The following TGFBR2 variants were observed in gnomAD, a reference collection of about 807,000 sequenced individuals.
The protein encoded by TGFBR2 is TGF-beta receptor type-2.
In TGFBR2, 18 loss-of-function variants were observed where a neutral mutation model predicts 49.0. The ratio of observed to expected loss-of-function variants is 0.37; its 90% confidence interval spans 0.25 to 0.54. The LOEUF is 0.54. Among genes scored for constraint, TGFBR2 ranks in the 20% least tolerant of loss-of-function variants. The probability of loss-of-function intolerance (pLI) is 0.85; values close to 1 mark genes in which losing one functional copy is unlikely to be tolerated. For synonymous variants in TGFBR2, 282 were observed against 275.9 expected (o/e 1.02, Z -0.22); for missense variants, 525 against 722.6 (o/e 0.73, Z 3.13).
Position 30,671,937 on chromosome 3 carries a change from A to C in TGFBR2, c.754A>C (p.Lys252Gln). Residue 252 changes from lysine to glutamine, a missense_variant, in exon 4 of 7, where the codon AAA becomes CAA. By Grantham distance (53) the Lys-to-Gln change is moderately conservative. This residue lies in a region of TGFBR2 where 376 missense variants were observed against 478.2 expected (regional missense o/e 0.79). Transcript: ENST00000295754. ...LPIELDTLVG[K>Q]GRFAEVYKAK... ...CATTGAGCTGGACACCCTGGTGGGGAAAGGTCGCTTTGCTGAGGTCTATAA... is the reference window on the plus strand; with the variant it reads ...CATTGAGCTGGACACCCTGGTGGGGCAAGGTCGCTTTGCTGAGGTCTATAA... 1 of 1,614,172 alleles carries C rather than the reference A, an allele frequency of 6.2e-7. No individual in the cohort carries two copies. The highest frequency in any genetic ancestry group is 8.5e-7 in the Non-Finnish European group (1 of 1,180,026).
chr3:30,682,185 C>A (rs1186445014), intron 5 of TGFBR2, among the ~76,000 whole-genome samples: 2 of 152,134 alleles, frequency 1.3e-5, no homozygotes, highest in Non-Finnish European at 2.9e-5. Flanking sequence ...TGCAGCTGGC[C>A]CTGCAGCATC....
chr3:30,666,806 ATT>A (rs5847639), intron 3 of TGFBR2, among the ~76,000 whole-genome samples: 96 of 147,426 alleles, frequency 6.5e-4, no homozygotes, highest in South Asian at 8.6e-4. Flanking sequence ...TGTCTGGCTA[ATT>A]TTTTTTTTTT....
rs200147268 is a variant in TGFBR2, at chr3:30,672,451, A to C, written c.1254+14A>C. The C allele has an allele frequency of 1.2e-6, 2 of 1,613,980 alleles. No homozygotes were observed. Among genetic ancestry groups the C allele is most frequent in the East Asian group, 2.2e-5 (1 of 44,862 alleles). On this transcript the variant is annotated intron_variant, in intron 4 of 6. Coordinates refer to ENST00000295754, the MANE Select transcript of TGFBR2 (RefSeq NM_003242.6). This position sits in a 1 kb window ranked among gnomAD's most constrained non-coding sequence, Gnocchi z 4.5. ...AACAGTGGGCAGGTAAGTTAGAGCT[A>C]GTGCTAGATCCCCTTTACCTTGAGC...
At chr3:30,636,202 T>C (rs1698526923) in intron 1 of TGFBR2, among the ~76,000 whole-genome samples, 1 of 146,384 alleles carries the variant, frequency 6.8e-6, no homozygotes, top group East Asian at 2.0e-4. Flanking sequence ...TGTGTGTGTA[T>C]AGTACTGGGA....
chr3:30,624,932 A>G (rs1698303761), intron 1 of TGFBR2, among the ~76,000 whole-genome samples: 1 of 152,084 alleles, frequency 6.6e-6, no homozygotes. Context: ...TCCAGCAAAG[A>G]TGAGCTTCAT....
intron 3 of TGFBR2, among the ~76,000 whole-genome samples, chr3:30,665,708 T>C (rs1369735235): frequency 1.3e-5 from 2 of 152,146 alleles, no homozygotes; most frequent in East Asian, 3.9e-4. Context: ...CTCTAGCAAG[T>C]CCTGGAAAAG....
Position 30,674,081 on chromosome 3 carries a change from C to T in TGFBR2, c.1255-24C>T, listed in dbSNP as rs1481360895. 17 of 1,614,062 alleles carry T rather than the reference C, an allele frequency of 1.1e-5. No homozygotes were observed. In the South Asian group the frequency reaches 1.5e-4, roughly 15 times the overall value. ...AAGGCAGCTGGAATTAAATGATGGG[C>T]CTCACTGTCTGTTTTTGCTATAGGT... On this transcript the variant is annotated intron_variant, in intron 4 of 6. Transcript: ENST00000295754.
At chr3:30,687,807 T>C (rs1699650411) in intron 5 of TGFBR2, among the ~76,000 whole-genome samples, 1 of 152,204 alleles carries the variant, frequency 6.6e-6, no homozygotes, top group African/African-American at 2.4e-5. Context: ...CTGTACAAGG[T>C]ACTTCATACA....
chr3:30,650,654 T>C (rs1698865848), intron 3 of TGFBR2, among the ~76,000 whole-genome samples, 194 bp downstream of exon 3: 1 of 152,180 alleles, frequency 6.6e-6, no homozygotes, highest in Admixed American at 6.5e-5. Flanking sequence ...TATGGTTGAC[T>C]GGGGCAAACA....
intron 3 of TGFBR2, among the ~76,000 whole-genome samples, chr3:30,663,989 G>T (rs1391251046): frequency 1.1e-4 from 14 of 127,814 alleles, no homozygotes; most frequent in African/African-American, 3.4e-4. Flanking sequence ...GGGGGGGGGA[G>T]TTGGGGGGGC....
rs754582506 is a variant in TGFBR2, at chr3:30,661,553, T to G, written c.455-10085T>G. ...ACAGGTAGATGTAAAATCAGACATA[T>G]AGGTTCAAACAATCGATTGCAAAGG... On this transcript the variant is annotated intron_variant, in intron 3 of 6. Transcript: ENST00000295754. The G allele has an allele frequency of 7.8e-6, 4 of 512,282 alleles. No homozygotes were observed. The Admixed American group carries it at 7.9e-5, about 10-fold the overall frequency. 31.7% of individuals were successfully genotyped at this position (512,282 alleles called of 1,614,324 possible).
intron 3 of TGFBR2, among the ~76,000 whole-genome samples, chr3:30,662,119 G>A (rs1699143788): frequency 6.6e-6 from 1 of 152,170 alleles, no homozygotes; most frequent in South Asian, 2.1e-4. Flanking sequence ...TTAGAGAACA[G>A]CAGAAGGACC....
intron 1 of TGFBR2, among the ~76,000 whole-genome samples, chr3:30,619,524 A>G (rs1484183367): frequency 6.6e-6 from 1 of 152,148 alleles, no homozygotes; most frequent in African/African-American, 2.4e-5. Context: ...ACACAGGACC[A>G]GTTTGATGAC....
At position 30,669,598 on chromosome 3, in the gene TGFBR2, C is replaced by T. The variant is rs140544078; in HGVS notation, c.455-2040C>T. The stretch of plus-strand genomic sequence containing the variant: ...TGCATGGGGAAGACTGGTCACCCCA[C>T]CCTAATCTTATTATGCAAATGGGCT... On this transcript the variant is annotated intron_variant, in intron 3 of 6. Transcript: ENST00000295754. Among the ~76,000 whole-genome samples the T allele has an allele frequency of 5.2e-3, 786 of 152,262 alleles. 7 individuals carry two copies. Among genetic ancestry groups the T allele is most frequent in the African/African-American group, 0.018 (728 of 41,538 alleles).
At chr3:30,670,779 T>C (rs1425748136) in intron 3 of TGFBR2, among the ~76,000 whole-genome samples, 1 of 152,278 alleles carries the variant, frequency 6.6e-6, no homozygotes, top group Non-Finnish European at 1.5e-5. Context: ...ATTTCCATTT[T>C]TAACTTGTTT....
At chr3:30,628,175 G>A (rs904169299) in intron 1 of TGFBR2, among the ~76,000 whole-genome samples, 19 of 145,726 alleles carry the variant, frequency 1.3e-4, no homozygotes, top group African/African-American at 4.6e-4. Flanking sequence ...TATAAAAATA[G>A]TACTGCCTTG....
intron 5 of TGFBR2, among the ~76,000 whole-genome samples, chr3:30,682,311 T>A (rs1699554251): frequency 1.3e-5 from 2 of 152,270 alleles, no homozygotes; most frequent in Admixed American, 6.5e-5. Context: ...TTTAAAGGAG[T>A]CAGGGCAAAA....
intron 1 of TGFBR2, among the ~76,000 whole-genome samples, chr3:30,608,390 T>C (rs1697972331): frequency 6.6e-6 from 1 of 152,180 alleles, no homozygotes. Flanking sequence ...TTTTACATCA[T>C]CTTCATGTTT....
At position 30,606,797 on chromosome 3, in the gene TGFBR2, G is replaced by A; in HGVS notation, c.-87G>A. On this transcript the variant is annotated 5_prime_UTR_variant, in exon 1 of 7. Coordinates refer to ENST00000295754, the MANE Select transcript of TGFBR2 (RefSeq NM_003242.6). ...CGGCCCGGCGCGGGGTCCGGAGAGG[G>A]CGCGGCGCGGAGGCGCAGCCAGGGG... 1 of 1,009,268 alleles carries A rather than the reference G, an allele frequency of 9.9e-7. No individual in the cohort carries two copies. The highest frequency in any genetic ancestry group is 3.8e-5 in the South Asian group (1 of 26,250). 62.5% of individuals were successfully genotyped at this position (1,009,268 alleles called of 1,614,324 possible). A position where few individuals can be genotyped will look rare whatever the true frequency, so the allele number is the denominator to read the frequency against.
Sources: allele counts gnomAD v4.1 joint callset (sites outside exome capture counted in the v4.1 genomes callset), GRCh38; gene constraint gnomAD v4.1.1; regional missense constraint gnomAD v4.1.1; non-coding constraint Gnocchi (gnomAD v3.1); transcripts MANE v1.5; gene names NCBI Gene and HGNC (gene_info 2026-07-23, HGNC 2026-07-21).